Variants in STXBP5L observed in about 807,000 individuals in gnomAD.
The protein encoded by STXBP5L is syntaxin-binding protein 5-like.
In STXBP5L, 65 loss-of-function variants were observed where a neutral mutation model predicts 144.5. The observed-to-expected ratio is 0.45, with a 90% CI of 0.37 to 0.55. STXBP5L has a LOEUF of 0.55. Among genes scored for constraint, STXBP5L ranks in the 20% least tolerant of loss-of-function variants. The pLI is 0.00. For synonymous variants in STXBP5L, 505 were observed against 469.6 expected, an observed-to-expected ratio of 1.08 and a Z score of -0.97; for missense variants, 1,298 against 1,405.5, an observed-to-expected ratio of 0.92 and a Z score of 1.22.
chr3:121,041,267 T>C lies in STXBP5L; in HGVS notation c.288-433T>C, dbSNP rs192429259. On this transcript the variant is annotated intron_variant, in intron 3 of 26. Transcript: ENST00000471454. ...TCTTTATGATCTCTGAGTTTTAAATTATGCTTAGAAGATTTTTTATATGTC... is the reference window on the plus strand; with the variant it reads ...TCTTTATGATCTCTGAGTTTTAAATCATGCTTAGAAGATTTTTTATATGTC... Among the ~76,000 whole-genome samples, 114 of 152,216 alleles carry C rather than the reference T, an allele frequency of 7.5e-4. 1 individual carries two copies. The highest frequency in any genetic ancestry group is 2.6e-3 in the African/African-American group (108 of 41,568).
intron 5 of STXBP5L, among the ~76,000 whole-genome samples, chr3:121,080,634 G>T (rs1410459723): frequency 6.6e-6 from 1 of 152,184 alleles, no homozygotes; most frequent in Non-Finnish European, 1.5e-5. Context: ...TGTTTAAGGA[G>T]GTGGAAGATG....
intron 10 of STXBP5L, among the ~76,000 whole-genome samples, chr3:121,210,119 C>T (rs1027946474): frequency 3.0e-4 from 45 of 151,878 alleles, no homozygotes; most frequent in East Asian, 9.7e-4. Context: ...TTTTAATGAT[C>T]GCCATTCTAA....
rs111444469 is a variant in STXBP5L at position 121,153,027 on chromosome 3, C to A, written c.753+467C>A. Among the ~76,000 whole-genome samples, 392 of 152,084 alleles carry A rather than the reference C, an allele frequency of 2.6e-3. 2 individuals carry two copies. The highest frequency in any genetic ancestry group is 8.8e-3 in the African/African-American group (366 of 41,530). Reference sequence around the variant, plus strand: ...GAAAGGTCTTGTCTTCTAATACTTGCCTTCTTAGAATAAAGAAAAATTTTG... The same window carrying A: ...GAAAGGTCTTGTCTTCTAATACTTGACTTCTTAGAATAAAGAAAAATTTTG... On this transcript the variant is annotated intron_variant, in intron 8 of 26. Transcript: ENST00000471454.
chr3:121,299,576 AAAT>A (rs1469833851), intron 19 of STXBP5L, among the ~76,000 whole-genome samples: 7 of 152,284 alleles, frequency 4.6e-5, no homozygotes, highest in African/African-American at 1.4e-4. Flanking sequence ...CAGAGTTAAA[AAAT>A]AATAATAATA....
intron 19 of STXBP5L, among the ~76,000 whole-genome samples, chr3:121,293,656 T>C (rs1458346553): frequency 6.6e-6 from 1 of 152,066 alleles, no homozygotes; most frequent in Non-Finnish European, 1.5e-5. Flanking sequence ...GGTCAGGAGT[T>C]CAAGACAAGC....
At chr3:121,077,422 C>T (rs1296113911) in intron 5 of STXBP5L, among the ~76,000 whole-genome samples, 3 of 152,064 alleles carry the variant, frequency 2.0e-5, no homozygotes, top group Admixed American at 2.0e-4. Context: ...GAGTTTCTTC[C>T]TTCTGGTGGA....
At chr3:121,335,493 G>A (rs1577485625) in intron 20 of STXBP5L, among the ~76,000 whole-genome samples, 1 of 152,058 alleles carries the variant, frequency 6.6e-6, no homozygotes, top group East Asian at 1.9e-4. Flanking sequence ...AATAACCAAG[G>A]CAATTTTAAT....
intron 20 of STXBP5L, chr3:121,324,538 A>T: frequency 4.3e-6 from 3 of 699,530 alleles, no homozygotes; most frequent in Middle Eastern, 2.3e-4. Flanking sequence ...TTTTATAGGA[A>T]TGAAATATCA....
Position 121,420,530 on chromosome 3 carries a change from G to GAAAAGCACCAGAGTCAAAACCAA in STXBP5L, c.*1435_*1457dup, listed in dbSNP as rs2047332299. ...GATACAAGGTATCTATAACTCACCA[G>GAAAAGCACCAGAGTCAAAACCAA]AAAAGCACCAGAGTCAAAACCAAAT... On this transcript the variant is annotated 3_prime_UTR_variant, in exon 27 of 27. Transcript: ENST00000471454. 1 of 152,006 alleles carries GAAAAGCACCAGAGTCAAAACCAA rather than the reference G, an allele frequency of 6.6e-6. No homozygotes were observed. The highest frequency in any genetic ancestry group is 1.5e-5 in the Non-Finnish European group (1 of 67,984). 9.4% of individuals were successfully genotyped at this position (152,006 alleles called of 1,614,324 possible). A position where few individuals can be genotyped will look rare whatever the true frequency, so the allele number is the denominator to read the frequency against.
At chr3:121,250,646 CAA>C in intron 14 of STXBP5L, 75 bp from the exon 15 acceptor site, 10 of 1,218,506 alleles carry the variant, frequency 8.2e-6, no homozygotes, top group Non-Finnish European at 1.2e-5. Context: ...AACAGTAACT[CAA>C]GTTTCTGTAC....
intron 9 of STXBP5L, among the ~76,000 whole-genome samples, chr3:121,166,205 A>C (rs532227852): frequency 6.6e-6 from 1 of 152,010 alleles, no homozygotes; most frequent in Admixed American, 6.6e-5. Flanking sequence ...CAGGTTTTCG[A>C]ATGTTGCCTG....
intron 18 of STXBP5L, among the ~76,000 whole-genome samples, chr3:121,271,138 TAA>T (rs1172099688): frequency 6.6e-6 from 1 of 152,222 alleles, no homozygotes; most frequent in Admixed American, 6.5e-5. Flanking sequence ...TCTATATTTA[TAA>T]GTTAGATTCT....
intron 9 of STXBP5L, among the ~76,000 whole-genome samples, chr3:121,167,118 A>G (rs1411169615): frequency 2.0e-5 from 3 of 152,208 alleles, no homozygotes; most frequent in Non-Finnish European, 4.4e-5. Flanking sequence ...GGAAGCAAGC[A>G]TTGAAAATAG....
In STXBP5L at chr3:120,959,989, T is replaced by A. The variant is rs866157086; in HGVS notation, c.287+4952T>A. ...AGGCAACCTATAGAATGGAAGAAAATTTTTGCAATCTACCTATCTGACAAA... is the reference window on the plus strand; with the variant it reads ...AGGCAACCTATAGAATGGAAGAAAAATTTTGCAATCTACCTATCTGACAAA... On this transcript the variant is annotated intron_variant, in intron 3 of 26. Coordinates refer to ENST00000471454, the MANE Select transcript of STXBP5L (RefSeq NM_001308330.2). Among the ~76,000 whole-genome samples, 889 of 151,376 alleles carry A rather than the reference T, an allele frequency of 5.9e-3. 9 individuals are homozygous for A. The highest frequency in any genetic ancestry group is 0.019 in the African/African-American group (792 of 41,104).
At chr3:121,370,523 GATAAAATACCC>G (rs2045999003) in intron 20 of STXBP5L, among the ~76,000 whole-genome samples, 1 of 152,136 alleles carries the variant, frequency 6.6e-6, no homozygotes, top group African/African-American at 2.4e-5. Flanking sequence ...ACCTTTTCTT[GATAAAATACCC>G]AGCCTCAGGT....
intron 9 of STXBP5L, among the ~76,000 whole-genome samples, chr3:121,196,115 T>C (rs1332387663): frequency 6.6e-6 from 1 of 152,096 alleles, no homozygotes; most frequent in African/African-American, 2.4e-5. Flanking sequence ...AGGGATTTCA[T>C]TGAATCTATA....
intron 25 of STXBP5L, among the ~76,000 whole-genome samples, chr3:121,417,486 A>G (rs1164244918): frequency 6.6e-6 from 1 of 151,572 alleles, no homozygotes; most frequent in Non-Finnish European, 1.5e-5. Flanking sequence ...AAAATAAAAA[A>G]AGAATCTCAC....
intron 5 of STXBP5L, among the ~76,000 whole-genome samples, chr3:121,092,848 C>T (rs1702190295): frequency 1.3e-5 from 2 of 152,160 alleles, no homozygotes; most frequent in African/African-American, 4.8e-5. Flanking sequence ...CTGTCTTGTG[C>T]CAGTTTTCAA....
intron 9 of STXBP5L, among the ~76,000 whole-genome samples, chr3:121,195,682 A>T (rs928379123): frequency 1.3e-5 from 2 of 152,216 alleles, no homozygotes; most frequent in Non-Finnish European, 2.9e-5. Context: ...AAACTAATAG[A>T]TTGCGTGACT....
Sources: gnomAD v4.1 joint callset for allele counts (sites outside exome capture counted in the v4.1 genomes callset) on GRCh38, gnomAD v4.1.1 for gene constraint, MANE v1.5 for transcripts, NCBI Gene and HGNC (gene_info 2026-07-23, HGNC 2026-07-21) for gene names.